Variants in DRC11L observed in about 807,000 individuals in gnomAD.
DRC11L encodes the protein dynein regulatory complex subunit like-11.
the DRC11L span, chr7:151,197,748 C>A: frequency 2.5e-6 from 1 of 396,522 alleles, no homozygotes; most frequent in Non-Finnish European, 4.4e-6. Flanking sequence ...CCTACCCCAC[C>A]CCACTCGCTA....
At chr7:151,192,429 C>A in the DRC11L span, 1 of 399,474 alleles carries the variant, frequency 2.5e-6, no homozygotes, top group Non-Finnish European at 4.4e-6. Flanking sequence ...TTGGTGAGGT[C>A]CTTCTTTATC....
chr7:151,195,814 G>A, the DRC11L span: 11 of 392,840 alleles, frequency 2.8e-5, no homozygotes, highest in African/African-American at 6.2e-5. Context: ...ATGCCTTCCC[G>A]AACATTCCTC....
chr7:151,201,046 C>T, the DRC11L span, among the ~76,000 whole-genome samples: 29 of 152,284 alleles, frequency 1.9e-4, no homozygotes, highest in Non-Finnish European at 2.5e-4. The surrounding 1 kb of genome is among the most constrained non-coding windows in gnomAD (Gnocchi z 4.1). Context: ...CAGAGCTGGA[C>T]GCGTCCTCTT....
the DRC11L span, among the ~76,000 whole-genome samples, chr7:151,204,083 T>G: frequency 6.6e-6 from 1 of 152,144 alleles, no homozygotes; most frequent in Non-Finnish European, 1.5e-5. Flanking sequence ...AGTTTCTCAT[T>G]TGTGATGTCA....
At chr7:151,192,613 G>A in the DRC11L span, 1 of 398,654 alleles carries the variant, frequency 2.5e-6, no homozygotes, top group Non-Finnish European at 4.4e-6. Flanking sequence ...AACTAGGTGT[G>A]AGGAGTAGAG....
At chr7:151,190,886 C>A in the DRC11L span, 1 of 398,342 alleles carries the variant, frequency 2.5e-6, no homozygotes, top group South Asian at 1.3e-4. Flanking sequence ...GTTCCCAAGT[C>A]ATCTGGGCAT....
At chr7:151,200,461 G>A in the DRC11L span, 2 of 399,330 alleles carry the variant, frequency 5.0e-6, no homozygotes, top group Admixed American at 8.8e-5. Context: ...ACACCTGGCG[G>A]AGGGATGTAG....
the DRC11L span, chr7:151,193,332 C>T: frequency 2.5e-6 from 1 of 399,596 alleles, no homozygotes; most frequent in Non-Finnish European, 4.4e-6. Context: ...CCATTCCTGC[C>T]AGGATATTTG....
chr7:151,193,464 G>C, the DRC11L span: 1 of 399,318 alleles, frequency 2.5e-6, no homozygotes, highest in East Asian at 3.6e-5. Flanking sequence ...CGGATGAGTG[G>C]GGCCATGATG....
At chr7:151,203,541 G>A in the DRC11L span, 8 of 398,856 alleles carry the variant, frequency 2.0e-5, no homozygotes, top group Admixed American at 4.4e-5. Context: ...GGGGAGGAGG[G>A]TCAGGAATCA....
At chr7:151,199,349 C>T in the DRC11L span, among the ~76,000 whole-genome samples, 16 of 152,222 alleles carry the variant, frequency 1.1e-4, no homozygotes, top group East Asian at 2.7e-3. The surrounding 1 kb of genome is among the most constrained non-coding windows in gnomAD (Gnocchi z 5.2). Flanking sequence ...CAGCCGCTCT[C>T]GCAGCCACTT....
At chr7:151,203,139 A>G in the DRC11L span, 197 of 399,036 alleles carry the variant, frequency 4.9e-4, 1 homozygote, top group African/African-American at 3.8e-3. Flanking sequence ...CATGAGGGAG[A>G]GCTTGCATCC....
At chr7:151,191,837 G>A in the DRC11L span, 40 of 399,112 alleles carry the variant, frequency 1.0e-4, no homozygotes, top group African/African-American at 6.0e-4. Flanking sequence ...GTGCTGGGTC[G>A]GCTGGATGCC....
chr7:151,193,414 C>T, the DRC11L span: 1 of 399,290 alleles, frequency 2.5e-6, no homozygotes, highest in Non-Finnish European at 4.4e-6. Context: ...TGACCAGCAT[C>T]TTCTTCCCCA....
the DRC11L span, chr7:151,194,284 A>C: frequency 2.5e-6 from 1 of 399,196 alleles, no homozygotes; most frequent in Non-Finnish European, 4.4e-6. Context: ...ACAAAGCCAC[A>C]TTCTGTCGTA....
At chr7:151,204,570 C>A in the DRC11L span, 1 of 399,044 alleles carries the variant, frequency 2.5e-6, no homozygotes, top group Non-Finnish European at 4.4e-6. Context: ...CAGGTCGGCG[C>A]GCACCAGCTC....
chr7:151,193,183 A>G, the DRC11L span: 1 of 398,020 alleles, frequency 2.5e-6, no homozygotes, highest in Non-Finnish European at 4.4e-6. Flanking sequence ...CCAGTTCAGC[A>G]CCTGAAATCA....
the DRC11L span, among the ~76,000 whole-genome samples, chr7:151,199,331 C>T: frequency 1.3e-5 from 2 of 151,998 alleles, no homozygotes; most frequent in Non-Finnish European, 2.9e-5. This position sits in a 1 kb window ranked among gnomAD's most constrained non-coding sequence, Gnocchi z 5.2. Flanking sequence ...GCCCCGCGGC[C>T]GAGTTGGCAG....
the DRC11L span, chr7:151,192,623 G>T: frequency 3.0e-5 from 12 of 398,716 alleles, no homozygotes. Flanking sequence ...GAGGAGTAGA[G>T]GGGCATGTGC....
Sources: gnomAD v4.1 joint callset for allele counts (sites outside exome capture counted in the v4.1 genomes callset) on GRCh38, gnomAD v4.1.1 for gene constraint, Gnocchi (gnomAD v3.1) non-coding constraint, MANE v1.5 for transcripts, NCBI Gene and HGNC (gene_info 2026-07-23, HGNC 2026-07-21) for gene names.